The following KIRREL1 variants were observed in gnomAD, a reference collection of about 807,000 sequenced individuals.
KIRREL1 encodes kirre like nephrin family adhesion molecule 1.
A neutral mutation model predicts 83.3 loss-of-function variants in KIRREL1; 25 were observed. The ratio of observed to expected loss-of-function variants is 0.30; its 90% CI spans 0.22 to 0.42. The LOEUF is 0.42. Among genes scored for constraint, KIRREL1 ranks in the 10% least tolerant of loss-of-function variants. The pLI is 1.00. For missense variants in KIRREL1, 812 were observed against 1,032.3 expected (o/e 0.79, Z 2.92); for synonymous variants, 388 against 410.4 (o/e 0.95, Z 0.66).
intron 1 of KIRREL1, among the ~76,000 whole-genome samples, chr1:158,015,442 A>T (rs141510949): frequency 6.6e-6 from 1 of 152,194 alleles, no homozygotes; most frequent in Non-Finnish European, 1.5e-5. Flanking sequence ...CCAAGATGGA[A>T]TGGTTTTGGC....
In KIRREL1 at chr1:158,039,954, C is replaced by A. The variant is rs188553170; in HGVS notation, c.53-36159C>A. Among the ~76,000 whole-genome samples, 395 of 152,314 alleles carry A rather than the reference C, an allele frequency of 2.6e-3. 2 individuals are homozygous for A. The highest frequency in any genetic ancestry group is 4.2e-3 in the Non-Finnish European group (287 of 68,034). ...GGTTTTTTGTTTTTTGGCAACCATG[C>A]CATCTCCTTGTGGGCTGTTGATCTA... On this transcript the variant is annotated intron_variant, in intron 1 of 14. Transcript: ENST00000359209.
At chr1:158,003,927 G>C (rs981413144) in intron 1 of KIRREL1, among the ~76,000 whole-genome samples, 3 of 152,218 alleles carry the variant, frequency 2.0e-5, no homozygotes, top group Non-Finnish European at 2.9e-5. Flanking sequence ...GTGCCTGAGG[G>C]ATTTAGTTTG....
At chr1:158,062,093 G>A (rs929815528) in intron 1 of KIRREL1, among the ~76,000 whole-genome samples, 1 of 152,114 alleles carries the variant, frequency 6.6e-6, no homozygotes, top group African/African-American at 2.4e-5. Context: ...ACTTGCAATT[G>A]GTCACTAAAA....
intron 1 of KIRREL1, among the ~76,000 whole-genome samples, chr1:158,057,692 C>G (rs752496544): frequency 6.6e-6 from 1 of 152,178 alleles, no homozygotes; most frequent in African/African-American, 2.4e-5. Flanking sequence ...TCTTGAAATG[C>G]CAGAGTACCC....
intron 8 of KIRREL1, 67 bp from the exon 9 acceptor site, chr1:158,089,435 G>T: frequency 6.3e-7 from 1 of 1,596,598 alleles, no homozygotes; most frequent in South Asian, 1.1e-5. Flanking sequence ...CCTCCGATGT[G>T]GGGCCCTCAT....
At position 158,000,072 on chromosome 1, in the gene KIRREL1, G is replaced by GC. The variant is rs1029568950; in HGVS notation, c.52+6344_52+6345insC. ...ACCCAAGCAGGAAAGATGGGGTGGG[G>GC]GCTGAGGATAATTCCTAGAAGGAAG... On this transcript the variant is annotated intron_variant, in intron 1 of 14. Transcript: ENST00000359209. 7.3e-5 allele frequency among the ~76,000 whole-genome samples: 11 copies of GC among 150,738 alleles called. No homozygotes were observed. In the South Asian group the frequency reaches 1.1e-3, roughly 15 times the overall value.
At chr1:158,049,085 C>G (rs193300948) in intron 1 of KIRREL1, among the ~76,000 whole-genome samples, 1 of 152,066 alleles carries the variant, frequency 6.6e-6, no homozygotes, top group East Asian at 1.9e-4. Flanking sequence ...GGAGACAGAA[C>G]GAATAAGGTA....
At chr1:158,054,852 G>T (rs539370908) in intron 1 of KIRREL1, among the ~76,000 whole-genome samples, 2 of 152,154 alleles carry the variant, frequency 1.3e-5, no homozygotes, top group Non-Finnish European at 2.9e-5. Context: ...TGTGCTGGGG[G>T]ATGTTGAGAC....
chr1:158,076,501 G>A (rs1283931675), intron 2 of KIRREL1, among the ~76,000 whole-genome samples: 1 of 152,196 alleles, frequency 6.6e-6, no homozygotes, highest in African/African-American at 2.4e-5. Flanking sequence ...AGAGGTCAAG[G>A]GAAACCAAGA....
chr1:158,034,936 T>A (rs566621376), intron 1 of KIRREL1, among the ~76,000 whole-genome samples: 43 of 152,252 alleles, frequency 2.8e-4, no homozygotes, highest in Non-Finnish European at 5.6e-4. Context: ...AGAAAAAAAA[T>A]TTTTAAATTC....
At chr1:158,087,706 A>T (rs1356854919) in intron 5 of KIRREL1, 49 bp from the exon 6 acceptor site, 1 of 1,394,194 alleles carries the variant, frequency 7.2e-7, no homozygotes, top group Admixed American at 1.9e-5. Context: ...AGGGAAAAAG[A>T]AACTCAAGGG....
At chr1:158,039,629 G>T (rs1215649462) in intron 1 of KIRREL1, among the ~76,000 whole-genome samples, 1 of 152,166 alleles carries the variant, frequency 6.6e-6, no homozygotes, top group Admixed American at 6.5e-5. Flanking sequence ...CATGCCAATT[G>T]TTCCTGAACC....
intron 1 of KIRREL1, among the ~76,000 whole-genome samples, chr1:158,062,006 C>T (rs1332245886): frequency 6.6e-6 from 1 of 152,166 alleles, no homozygotes; most frequent in African/African-American, 2.4e-5. Flanking sequence ...CTGGTGTTCA[C>T]ATGCTTTGGG....
intron 1 of KIRREL1, among the ~76,000 whole-genome samples, chr1:158,044,146 C>T (rs528066763): frequency 6.1e-4 from 93 of 152,262 alleles, no homozygotes; most frequent in African/African-American, 2.1e-3. Flanking sequence ...ATGGCCCCTG[C>T]CTTTGTGAAA....
rs148744748 is a variant in KIRREL1, at chr1:158,088,050, G to A, written c.812G>A (p.Arg271His). 3.7e-5 allele frequency: 60 copies of A among 1,614,180 alleles called. 1 individual carries two copies. Among genetic ancestry groups the A allele is most frequent in the Admixed American group, 2.5e-4 (15 of 60,020 alleles). Residue 271 changes from arginine to histidine, a missense_variant, in exon 7 of 15, where the codon CGC (arginine) becomes CAC (histidine). By Grantham distance (29) the Arg-to-His change is conservative. Transcript: ENST00000359209. Reference protein sequence around the residue: ...GFLIEDAHESRYETNVDYSFF... With the variant: ...GFLIEDAHESHYETNVDYSFF... ...TTGATTGAAGACGCCCACGAGAGTC[G>A]CTATGAGACAAATGTGGATTATTCC...
At chr1:157,998,877 C>G (rs1659276758) in intron 1 of KIRREL1, among the ~76,000 whole-genome samples, 1 of 152,168 alleles carries the variant, frequency 6.6e-6, no homozygotes, top group Non-Finnish European at 1.5e-5. Context: ...TATTGAATTC[C>G]TACAGTGTGC....
intron 1 of KIRREL1, among the ~76,000 whole-genome samples, chr1:158,035,929 C>T (rs1194437214): frequency 4.6e-5 from 7 of 152,112 alleles, no homozygotes; most frequent in Admixed American, 2.0e-4. Flanking sequence ...CAGAGCCCTA[C>T]AGAACTACAC....
At position 158,095,082 on chromosome 1, in the gene KIRREL1, G is replaced by A. The variant is rs760774061; in HGVS notation, c.2236G>A (p.Gly746Ser). ...CTACACCTCCCAGCACTCGGACTAC[G>A]GCCAGCGATTCCAGCAGCGCATGCA... ...FSYTSQHSDY[G>S]QRFQQRMQTH... The change falls in exon 15 of 15, where the codon GGC becomes AGC. Residue 746 changes from glycine (G) to serine (S), a missense_variant. By Grantham distance (56) the Gly-to-Ser change is moderately conservative. Coordinates refer to ENST00000359209, the MANE Select transcript of KIRREL1 (RefSeq NM_018240.7). The A allele has an allele frequency of 2.4e-5, 39 of 1,609,520 alleles. No homozygotes were observed. In the Admixed American group the frequency reaches 3.8e-4, roughly 16 times the overall value.
At chr1:158,047,761 G>T (rs1369167603) in intron 1 of KIRREL1, among the ~76,000 whole-genome samples, 1 of 152,048 alleles carries the variant, frequency 6.6e-6, no homozygotes, top group Non-Finnish European at 1.5e-5. Flanking sequence ...TGAGTCCCTG[G>T]TCCAATGAAC....
Sources: allele counts gnomAD v4.1 joint callset (sites outside exome capture counted in the v4.1 genomes callset), GRCh38; gene constraint gnomAD v4.1.1; transcripts MANE v1.5; gene names NCBI Gene and HGNC (gene_info 2026-07-23, HGNC 2026-07-21).